Variants in INPP5D observed in about 807,000 individuals in gnomAD.
The protein encoded by INPP5D is phosphatidylinositol 3,4,5-trisphosphate 5-phosphatase 1.
A neutral mutation model predicts 122.9 loss-of-function variants in INPP5D; 33 were observed. The observed-to-expected ratio is 0.27, with a 90% CI of 0.20 to 0.36. INPP5D has a LOEUF of 0.36. Ranked by LOEUF, INPP5D falls within the 10% of genes least tolerant of loss-of-function variation. The pLI, the probability that INPP5D is intolerant of heterozygous loss-of-function variation, is 1.00. For missense variants in INPP5D, 1,053 were observed against 1,412.7 expected (o/e 0.75, Z 4.08); for synonymous variants, 584 against 576.2 (o/e 1.01, Z -0.19).
At chr2:233,142,762 A>G (rs1693658219) in intron 6 of INPP5D, among the ~76,000 whole-genome samples, 1 of 152,146 alleles carries the variant, frequency 6.6e-6, no homozygotes, top group Non-Finnish European at 1.5e-5. Flanking sequence ...AAACTGGGTC[A>G]GCTGATGTAA....
Position 233,189,746 on chromosome 2 carries a change from AT to A in INPP5D, c.2359-102del. On this transcript the variant is annotated intron_variant, in intron 21 of 26. Transcript: ENST00000445964. The surrounding 1 kb of genome is among the most constrained non-coding windows in gnomAD (Gnocchi z 5.6). Reference sequence around the variant, plus strand: ...TATGGACAGCAGAGATTTAGATCTGATTACTAAGAACACCTTTCGTCATCTT... The same window carrying A: ...TATGGACAGCAGAGATTTAGATCTGATACTAAGAACACCTTTCGTCATCTT... 1 of 1,510,526 alleles carries A rather than the reference AT, an allele frequency of 6.6e-7. No homozygotes were observed. The highest frequency in any genetic ancestry group is 8.9e-7 in the Non-Finnish European group (1 of 1,123,472). 93.6% of individuals were successfully genotyped at this position (1,510,526 alleles called of 1,614,324 possible).
intron 2 of INPP5D, among the ~76,000 whole-genome samples, chr2:233,108,769 C>T (rs1692530728): frequency 1.3e-5 from 2 of 152,216 alleles, no homozygotes; most frequent in African/African-American, 4.8e-5. Context: ...GGCACCGTTC[C>T]TTCCTCCTTT....
intron 5 of INPP5D, among the ~76,000 whole-genome samples, chr2:233,135,912 A>C (rs1213677310): frequency 1.3e-5 from 2 of 152,252 alleles, no homozygotes; most frequent in Non-Finnish European, 2.9e-5. Context: ...CTCAAAGCAG[A>C]AAGTGTTCAT....
chr2:233,122,416 C>G (rs1477086452), intron 3 of INPP5D, among the ~76,000 whole-genome samples, 159 bp downstream of exon 3: 1 of 152,194 alleles, frequency 6.6e-6, no homozygotes, highest in Non-Finnish European at 1.5e-5. Context: ...GTCAGGCAGA[C>G]ATGGGTTAAA....
intron 17 of INPP5D, among the ~76,000 whole-genome samples, chr2:233,175,387 T>G (rs193235877): frequency 5.9e-5 from 9 of 152,160 alleles, no homozygotes; most frequent in Admixed American, 2.6e-4. Context: ...CATAAAAGAG[T>G]ATCTACTGAG....
At chr2:233,141,150 C>T (rs975841025) in intron 6 of INPP5D, 22,107 of 152,034 alleles carry the variant, frequency 0.15, 2,426 homozygotes, top group East Asian at 0.31. Context: ...GTTTTCTGAA[C>T]GGCAGTTTGG....
At chr2:233,119,203 T>C (rs1295711748) in intron 2 of INPP5D, among the ~76,000 whole-genome samples, 1 of 152,220 alleles carries the variant, frequency 6.6e-6, no homozygotes, top group Non-Finnish European at 1.5e-5. Context: ...ACACGCGTTC[T>C]TCAGATACCC....
In INPP5D at chr2:233,204,415, T is replaced by G. The variant is rs1362522283; in HGVS notation, c.3265T>G (p.Ser1089Ala). Residue 1089 changes from serine to alanine, a missense_variant, in exon 26 of 27, where the codon TCA (serine) becomes GCA (alanine). By Grantham distance (99) the Ser-to-Ala change is moderately conservative. Around this residue, in one of 6 missense-constraint regions of INPP5D, gnomAD observed 417 missense variants for 425.8 expected, o/e 0.98. Coordinates refer to ENST00000445964, the MANE Select transcript of INPP5D (RefSeq NM_001017915.3). ...GCCCCGGCTGCGCTCCTTCACGTGC[T>G]CATCCTCTGCCGAGGGCAGGGCGGC... ...PAPRLRSFTC[S>A]SSAEGRAAGG... is the part of the protein sequence containing the mutation. 1 of 1,609,718 alleles carries G rather than the reference T, an allele frequency of 6.2e-7. No homozygotes were observed. Among genetic ancestry groups the G allele is most frequent in the Non-Finnish European group, 8.5e-7 (1 of 1,178,618 alleles).
At chr2:233,158,282 G>T in intron 9 of INPP5D, 31 bp from the exon 10 acceptor site, 1 of 693,668 alleles carries the variant, frequency 1.4e-6, no homozygotes, top group South Asian at 1.5e-5. Context: ...ATGAGTGGAT[G>T]AATGAATTAA....
rs142115084 is a variant in INPP5D, at chr2:233,198,391, C to T, written c.2975+15C>T. 6.0e-4 allele frequency: 956 copies of T among 1,598,110 alleles called. 6 individuals are homozygous for T. In the African/African-American group the frequency reaches 9.3e-3, roughly 15 times the overall value. ...CAGGAGTCAAGGTGAGCATCCTCTT[C>T]ATTAAGACGGCTCCCTCCCTCCTTA... On this transcript the variant is annotated intron_variant, in intron 25 of 26. Coordinates refer to ENST00000445964, the MANE Select transcript of INPP5D (RefSeq NM_001017915.3).
chr2:233,191,999 A>G (rs1204468149), intron 22 of INPP5D, among the ~76,000 whole-genome samples: 1 of 152,170 alleles, frequency 6.6e-6, no homozygotes, highest in African/African-American at 2.4e-5. Flanking sequence ...CCTGAAGGTC[A>G]TGCAGCTACT....
chr2:233,206,932 C>T lies in INPP5D; in HGVS notation c.*224C>T. 1 of 537,926 alleles carries T rather than the reference C, an allele frequency of 1.9e-6. No individual in the cohort carries two copies. Among genetic ancestry groups the T allele is most frequent in the South Asian group, 2.1e-5 (1 of 47,150 alleles). The allele number at this position is 537,926 out of a possible 1,614,324, so 33.3% of individuals were successfully genotyped here. A position where few individuals can be genotyped will look rare whatever the true frequency, so the allele number is the denominator to read the frequency against. ...AGAAAAACGCACACCAGACGGGCAACAAACAGTCTGGGTCCCCAGCTCGCT... is the reference window on the plus strand; with the variant it reads ...AGAAAAACGCACACCAGACGGGCAATAAACAGTCTGGGTCCCCAGCTCGCT... On this transcript the variant is annotated 3_prime_UTR_variant, in exon 27 of 27. Transcript: ENST00000445964. This position sits in a 1 kb window ranked among gnomAD's most constrained non-coding sequence, Gnocchi z 4.0.
intron 1 of INPP5D, among the ~76,000 whole-genome samples, chr2:233,063,613 G>A (rs1258473914): frequency 1.3e-5 from 2 of 152,198 alleles, no homozygotes; most frequent in Admixed American, 6.5e-5. Context: ...GCATTTCCTC[G>A]AGAGAGGTCA....
chr2:233,067,960 G>A (rs1488549120), intron 1 of INPP5D, among the ~76,000 whole-genome samples: 1 of 152,138 alleles, frequency 6.6e-6, no homozygotes, highest in Non-Finnish European at 1.5e-5. Context: ...CAGGCATGTG[G>A]TAAGCACCCA....
intron 2 of INPP5D, among the ~76,000 whole-genome samples, chr2:233,108,223 G>T (rs898414137): frequency 1.3e-5 from 2 of 152,166 alleles, no homozygotes; most frequent in African/African-American, 2.4e-5. Flanking sequence ...CTCTGTGCCT[G>T]TCCTCCTCCG....
chr2:233,093,118 G>A (rs1352296630), intron 2 of INPP5D, among the ~76,000 whole-genome samples: 2 of 152,178 alleles, frequency 1.3e-5, no homozygotes, highest in African/African-American at 4.8e-5. Context: ...GTGGTCTGAT[G>A]GGCCACTGCA....
Position 233,195,522 on chromosome 2 carries a change from G to A in INPP5D, c.2693+27G>A, listed in dbSNP as rs376212282. 6.8e-6 allele frequency: 11 copies of A among 1,612,510 alleles called. No homozygotes were observed. In the South Asian group the frequency reaches 9.9e-5, roughly 14 times the overall value. ...TAAAGTGGGCGTGGGGTGGGTGTTG[G>A]GGGGGGTGGATATCAGGGACTCATG... On this transcript the variant is annotated intron_variant, in intron 24 of 26. Transcript: ENST00000445964.
At chr2:233,169,428 T>C (rs1309678080) in intron 14 of INPP5D, 27 bp downstream of exon 14, 1 of 1,567,236 alleles carries the variant, frequency 6.4e-7, no homozygotes. Context: ...CCCCCAAGAG[T>C]GTGCATTTGG....
At chr2:233,085,601 A>G (rs368492666) in intron 2 of INPP5D, among the ~76,000 whole-genome samples, 1 of 152,066 alleles carries the variant, frequency 6.6e-6, no homozygotes, top group East Asian at 1.9e-4. Flanking sequence ...CTTTGACACA[A>G]AAGACCTTTC....
Sources: gnomAD v4.1 joint callset for allele counts (sites outside exome capture counted in the v4.1 genomes callset) on GRCh38, gnomAD v4.1.1 for gene constraint, gnomAD v4.1.1 regional missense constraint, Gnocchi (gnomAD v3.1) non-coding constraint, MANE v1.5 for transcripts, NCBI Gene and HGNC (gene_info 2026-07-23, HGNC 2026-07-21) for gene names.